SRGAP2C: variants seen among roughly 807,000 people sequenced by gnomAD.
SRGAP2C encodes the protein SLIT-ROBO Rho GTPase activating protein 2C.
Under a neutral mutation model 25.1 loss-of-function variants are expected in SRGAP2C, and 15 were observed. That is an observed-to-expected ratio of 0.60 (90% CI 0.40 to 0.92). The LOEUF is 0.92. Among genes scored for constraint, SRGAP2C ranks in the 40% least tolerant of loss-of-function variants. The pLI, the probability that SRGAP2C is intolerant of heterozygous loss-of-function variation, is 0.00. For synonymous variants in SRGAP2C, 44 were observed against 96.6 expected, an observed-to-expected ratio of 0.46 and a Z score of 3.19; for missense variants, 144 against 264.4, an observed-to-expected ratio of 0.54 and a Z score of 3.16.
Position 121,285,428 on chromosome 1 carries a change from A to ACACACACT in SRGAP2C, c.260+436_260+437insACACTCAC, listed in dbSNP as rs1283892198. ...CTCACACACACACACACACACACTC[A>ACACACACT]CACTCACACACCCCTAGTAAATAGT... On this transcript the variant is annotated intron_variant, in intron 3 of 9. Coordinates refer to ENST00000367123, the MANE Select transcript of SRGAP2C (RefSeq NM_001329984.2). 3.4e-5 allele frequency among the ~76,000 whole-genome samples: 5 copies of ACACACACT among 145,124 alleles called. 1 individual carries two copies. The highest frequency in any genetic ancestry group is 7.5e-5 in the Non-Finnish European group (5 of 66,458).
chr1:121,295,647 G>A (rs1165471183), intron 3 of SRGAP2C, among the ~76,000 whole-genome samples: 67 of 152,152 alleles, frequency 4.4e-4, no homozygotes, highest in African/African-American at 1.6e-3. Flanking sequence ...AGCCATAAAA[G>A]AAAGAGGTCT....
intron 2 of SRGAP2C, among the ~76,000 whole-genome samples, chr1:121,216,022 C>G (rs1185311853): frequency 3.3e-5 from 5 of 152,006 alleles, no homozygotes; most frequent in Non-Finnish European, 1.5e-5. Context: ...CTGCCATCTT[C>G]TTTCCCCTGC....
chr1:121,370,971 AC>A (rs1467192134), intron 5 of SRGAP2C, among the ~76,000 whole-genome samples: 2 of 151,478 alleles, frequency 1.3e-5, no homozygotes, highest in African/African-American at 2.4e-5. Flanking sequence ...TCATTTTAGA[AC>A]CTTTTTTTTC....
intron 2 of SRGAP2C, among the ~76,000 whole-genome samples, chr1:121,268,470 G>C (rs587760218): frequency 1.3e-5 from 2 of 151,522 alleles, no homozygotes; most frequent in African/African-American, 4.8e-5. Context: ...CAGGGCTGCA[G>C]TGTGGAGAGT....
chr1:121,275,582 C>G (rs1161491983), intron 2 of SRGAP2C, among the ~76,000 whole-genome samples: 3 of 140,568 alleles, frequency 2.1e-5, no homozygotes, highest in Non-Finnish European at 4.6e-5. Flanking sequence ...ATCCTTTTGT[C>G]TTTAACTTGC....
At chr1:121,339,073 TGA>T in intron 4 of SRGAP2C, among the ~76,000 whole-genome samples, 1 of 151,802 alleles carries the variant, frequency 6.6e-6, no homozygotes, top group Non-Finnish European at 1.5e-5. Context: ...TTTTTAAAAA[TGA>T]GAGTTACATT....
At chr1:121,204,632 G>A (rs1355146633) in intron 2 of SRGAP2C, among the ~76,000 whole-genome samples, 4 of 152,214 alleles carry the variant, frequency 2.6e-5, no homozygotes, top group Admixed American at 2.0e-4. Context: ...TAATTGATGT[G>A]TAGATGTTCC....
Position 121,261,094 on chromosome 1 carries a change from A to ATTTTTTTTTTTTTT in SRGAP2C, c.68-23693_68-23680dup, listed in dbSNP as rs1211026484. Among the ~76,000 whole-genome samples the ATTTTTTTTTTTTTT allele has an allele frequency of 2.3e-4, 6 of 26,264 alleles. 1 individual carries two copies. The highest frequency in any genetic ancestry group is 6.1e-4 in the African/African-American group (4 of 6,552). 17.2% of individuals were successfully genotyped at this position (26,264 alleles called of 152,430 possible). A position where few individuals can be genotyped will look rare whatever the true frequency, so the allele number is the denominator to read the frequency against. On this transcript the variant is annotated intron_variant, in intron 2 of 9. Coordinates refer to ENST00000367123, the MANE Select transcript of SRGAP2C (RefSeq NM_001329984.2). ...CAGACATGCACCACCACACCTGGCT[A>ATTTTTTTTTTTTTT]TTTTTTTTTTTTTTTTTTTTTTTTT...
intron 3 of SRGAP2C, among the ~76,000 whole-genome samples, chr1:121,292,225 G>A (rs1657507416): frequency 6.6e-6 from 1 of 150,826 alleles, no homozygotes; most frequent in East Asian, 2.0e-4. Flanking sequence ...TAGTAGTACA[G>A]TGATGAGACC....
chr1:121,263,219 G>A (rs1375074947), intron 2 of SRGAP2C, among the ~76,000 whole-genome samples: 1 of 150,598 alleles, frequency 6.6e-6, no homozygotes, highest in Non-Finnish European at 1.5e-5. Context: ...AGCTACTCCA[G>A]AGGCTGAGGC....
intron 3 of SRGAP2C, among the ~76,000 whole-genome samples, chr1:121,292,232 G>C (rs1657507558): frequency 1.3e-5 from 2 of 150,676 alleles, no homozygotes; most frequent in African/African-American, 4.9e-5. Flanking sequence ...ACAGTGATGA[G>C]ACCTCTACTT....
intron 2 of SRGAP2C, among the ~76,000 whole-genome samples, chr1:121,243,994 A>G (rs1378028318): frequency 1.4e-5 from 2 of 146,588 alleles, no homozygotes; most frequent in Admixed American, 6.8e-5. Context: ...TGGGAAGCAT[A>G]TTGACAGTAT....
rs1479939240 is a variant in SRGAP2C, at chr1:121,329,877, C to T, written c.423+5237C>T. Among the ~76,000 whole-genome samples the T allele has an allele frequency of 8.4e-4, 128 of 152,128 alleles. 1 individual carries two copies. Among genetic ancestry groups the T allele is most frequent in the African/African-American group, 2.8e-3 (116 of 41,506 alleles). On this transcript the variant is annotated intron_variant, in intron 4 of 9. Coordinates refer to ENST00000367123, the MANE Select transcript of SRGAP2C (RefSeq NM_001329984.2). ...CTAGGACAAGAGGGAAAATTGAGCC[C>T]GTTTGGTGCTCCTGACATCTCCTTT...
intron 4 of SRGAP2C, chr1:121,362,105 T>C (rs1452474217): frequency 1.9e-5 from 1 of 52,500 alleles, no homozygotes; most frequent in Non-Finnish European, 3.9e-5. Flanking sequence ...CCCTTGTGGC[T>C]TACCAGCTCT....
At chr1:121,218,722 G>T (rs1416713259) in intron 2 of SRGAP2C, among the ~76,000 whole-genome samples, 2 of 151,806 alleles carry the variant, frequency 1.3e-5, no homozygotes, top group Non-Finnish European at 2.9e-5. Context: ...ACTCCAGTCT[G>T]GGCGACAGAG....
At position 121,229,366 on chromosome 1, in the gene SRGAP2C, TA is replaced by T. The variant is rs1384924499; in HGVS notation, c.67+41854del. On this transcript the variant is annotated intron_variant, in intron 2 of 9. Coordinates refer to ENST00000367123, the MANE Select transcript of SRGAP2C (RefSeq NM_001329984.2). ...GTAGTTTATAATGTACCTTTTTTCCTATACTCGGTTTTCTGCTTCTGTATTT... is the reference window on the plus strand; with the variant it reads ...GTAGTTTATAATGTACCTTTTTTCCTTACTCGGTTTTCTGCTTCTGTATTT... Among the ~76,000 whole-genome samples, 9 of 104,208 alleles carry T rather than the reference TA, an allele frequency of 8.6e-5. No homozygotes were observed. The Admixed American group carries it at 8.8e-4, about 10-fold the overall frequency. 68.4% of individuals were successfully genotyped at this position (104,208 alleles called of 152,430 possible).
chr1:121,334,622 C>G, intron 4 of SRGAP2C, among the ~76,000 whole-genome samples: 1 of 135,726 alleles, frequency 7.4e-6, no homozygotes, highest in Non-Finnish European at 1.6e-5. Flanking sequence ...CGTGAGCTGC[C>G]ATGCCCAGCC....
At chr1:121,368,185 T>C (rs1553350051) in intron 5 of SRGAP2C, among the ~76,000 whole-genome samples, 2 of 115,184 alleles carry the variant, frequency 1.7e-5, no homozygotes, top group Non-Finnish European at 3.6e-5. Flanking sequence ...GGGCGGATCA[T>C]GAGGTCAGGA....
chr1:121,374,483 G>A (rs1229753092), intron 6 of SRGAP2C, among the ~76,000 whole-genome samples: 1 of 152,036 alleles, frequency 6.6e-6, no homozygotes, highest in East Asian at 1.9e-4. Flanking sequence ...GGAGGGGTTG[G>A]GGGTGACTGT....
Sources: allele counts gnomAD v4.1 joint callset (sites outside exome capture counted in the v4.1 genomes callset), GRCh38; gene constraint gnomAD v4.1.1; transcripts MANE v1.5; gene names NCBI Gene and HGNC (gene_info 2026-07-23, HGNC 2026-07-21).